The following GRID2 variants were observed in gnomAD, a reference collection of about 807,000 sequenced individuals.
The protein encoded by GRID2 is glutamate ionotropic receptor delta type subunit 2.
A neutral mutation model predicts 114.8 loss-of-function variants in GRID2; 33 were observed. The observed-to-expected ratio is 0.29, with a 90% CI of 0.22 to 0.38. GRID2 has a LOEUF of 0.38. Ranked by LOEUF, GRID2 falls within the 10% of genes least tolerant of loss-of-function variation. GRID2 has a pLI of 1.00. For synonymous variants in GRID2, 505 were observed against 449.9 expected (o/e 1.12, Z -1.55); for missense variants, 1,184 against 1,257.7 (o/e 0.94, Z 0.89).
chr4:92,768,903 A>G (rs1026458387), intron 2 of GRID2, among the ~76,000 whole-genome samples: 2 of 152,200 alleles, frequency 1.3e-5, no homozygotes, highest in Non-Finnish European at 2.9e-5. Flanking sequence ...GCGTGGGGAC[A>G]CATACAAACC....
intron 2 of GRID2, among the ~76,000 whole-genome samples, chr4:92,764,841 A>C (rs1409835776): frequency 6.6e-6 from 1 of 152,168 alleles, no homozygotes; most frequent in East Asian, 1.9e-4. Context: ...GTATAGTAGA[A>C]AGCAAGACAT....
At chr4:93,629,344 T>C (rs1305595687) in intron 14 of GRID2, among the ~76,000 whole-genome samples, 1 of 152,182 alleles carries the variant, frequency 6.6e-6, no homozygotes, top group Non-Finnish European at 1.5e-5. Context: ...TGCATCCTGA[T>C]TCCCTGGACA....
intron 2 of GRID2, among the ~76,000 whole-genome samples, chr4:93,000,588 C>G (rs1320334188): frequency 6.6e-6 from 1 of 151,438 alleles, no homozygotes; most frequent in East Asian, 1.9e-4. Context: ...GTTAATAGTG[C>G]TCTAGCACAG....
At chr4:93,306,950 C>A (rs891415052) in intron 8 of GRID2, among the ~76,000 whole-genome samples, 3 of 152,056 alleles carry the variant, frequency 2.0e-5, no homozygotes, top group Non-Finnish European at 4.4e-5. Flanking sequence ...GTAATCCCAA[C>A]ACTTTGGGAA....
intron 8 of GRID2, among the ~76,000 whole-genome samples, chr4:93,342,142 TGA>T (rs1337761271): frequency 1.1e-4 from 16 of 152,292 alleles, no homozygotes; most frequent in Non-Finnish European, 1.6e-4. Context: ...AACTCTTCGG[TGA>T]TAGCAGTAAT....
At chr4:93,244,338 A>G (rs1421970924) in intron 8 of GRID2, among the ~76,000 whole-genome samples, 1 of 151,798 alleles carries the variant, frequency 6.6e-6, no homozygotes, top group African/African-American at 2.4e-5. Context: ...AATGTACGTC[A>G]GAGATATTTT....
At chr4:92,665,288 C>CAA (rs34581647) in intron 2 of GRID2, among the ~76,000 whole-genome samples, 1,851 of 134,454 alleles carry the variant, frequency 0.014, 15 homozygotes, top group African/African-American at 0.018. Flanking sequence ...ACTTCAATAA[C>CAA]AAAAAAAAAA....
At chr4:93,171,832 C>T (rs1475920226) in intron 4 of GRID2, among the ~76,000 whole-genome samples, 1 of 148,870 alleles carries the variant, frequency 6.7e-6, no homozygotes, top group East Asian at 2.0e-4. Flanking sequence ...AATTGAAGTC[C>T]CGCACACTCA....
At chr4:92,803,583 T>A (rs1452716927) in intron 2 of GRID2, among the ~76,000 whole-genome samples, 1 of 152,008 alleles carries the variant, frequency 6.6e-6, no homozygotes, top group African/African-American at 2.4e-5. Context: ...TATCTCCTCA[T>A]ATAATAACTT....
intron 1 of GRID2, among the ~76,000 whole-genome samples, chr4:92,476,612 T>C (rs1722326000): frequency 6.6e-6 from 1 of 152,166 alleles, no homozygotes; most frequent in African/African-American, 2.4e-5. Context: ...AATAATAAAA[T>C]GTTTTACCAG....
At chr4:92,651,057 T>C (rs185144334) in intron 2 of GRID2, among the ~76,000 whole-genome samples, 13 of 152,236 alleles carry the variant, frequency 8.5e-5, no homozygotes, top group African/African-American at 2.9e-4. Context: ...AAGTGGTTCA[T>C]TGATCAGAAA....
chr4:93,398,133 G>GTGTGTGTGTGTATGTATATATATATA, intron 9 of GRID2, among the ~76,000 whole-genome samples: 6 of 122,334 alleles, frequency 4.9e-5, no homozygotes, highest in African/African-American at 2.3e-4. Context: ...ATGTGTGTGT[G>GTGTGTGTGTGTATGTATATATATATA]TATATATATA....
intron 11 of GRID2, among the ~76,000 whole-genome samples, chr4:93,482,345 A>T (rs573215397): frequency 6.6e-6 from 1 of 152,212 alleles, no homozygotes; most frequent in African/African-American, 2.4e-5. Context: ...ACCATGAAAT[A>T]CTATGCAGCC....
At chr4:93,450,940 C>A (rs557492119) in intron 10 of GRID2, among the ~76,000 whole-genome samples, 16 of 151,852 alleles carry the variant, frequency 1.1e-4, no homozygotes, top group Non-Finnish European at 2.2e-4. Context: ...GGATATTAAT[C>A]TTTTATCATT....
chr4:93,222,456 A>AATAT (rs916734186), intron 6 of GRID2, among the ~76,000 whole-genome samples: 5 of 148,348 alleles, frequency 3.4e-5, no homozygotes, highest in Admixed American at 2.0e-4. Context: ...CTTTTTTTTA[A>AATAT]ATATATATAT....
chr4:93,150,742 C>T (rs1281439593), intron 4 of GRID2, among the ~76,000 whole-genome samples: 1 of 152,040 alleles, frequency 6.6e-6, no homozygotes, highest in Non-Finnish European at 1.5e-5. Context: ...GCCTCTTTGT[C>T]CTGAACCCTG....
At chr4:93,685,643 G>A (rs1436421136) in intron 14 of GRID2, among the ~76,000 whole-genome samples, 5 of 151,970 alleles carry the variant, frequency 3.3e-5, no homozygotes, top group Non-Finnish European at 7.4e-5. Flanking sequence ...ACTCTGCCTG[G>A]ATAATCTCAT....
chr4:92,862,141 A>T (rs1744572865), intron 2 of GRID2, among the ~76,000 whole-genome samples: 1 of 152,038 alleles, frequency 6.6e-6, no homozygotes, highest in African/African-American at 2.4e-5. Context: ...GGATATTTAA[A>T]ACCTCTCGAC....
intron 8 of GRID2, among the ~76,000 whole-genome samples, chr4:93,342,430 T>TAAAAAGAG (rs1759761931): frequency 6.6e-6 from 1 of 152,056 alleles, no homozygotes; most frequent in African/African-American, 2.4e-5. Flanking sequence ...TTTCCTCATT[T>TAAAAAGAG]AAAAAGAGAA....
Sources: gnomAD v4.1 joint callset for allele counts (sites outside exome capture counted in the v4.1 genomes callset) on GRCh38, gnomAD v4.1.1 for gene constraint, MANE v1.5 for transcripts, NCBI Gene and HGNC (gene_info 2026-07-23, HGNC 2026-07-21) for gene names.